IL2RA: variants seen among roughly 807,000 people sequenced by gnomAD.
IL2RA encodes the protein interleukin-2 receptor subunit alpha.
IL2RA carries 24 observed loss-of-function variants against 37.8 expected under a neutral mutation model. The ratio of observed to expected loss-of-function variants is 0.63; its 90% confidence interval spans 0.46 to 0.89. The LOEUF is 0.89. Among genes scored for constraint, IL2RA ranks in the 40% least tolerant of loss-of-function variants. IL2RA has a pLI of 0.00. For missense variants in IL2RA, 319 were observed against 348.6 expected (o/e 0.92, Z 0.68); for synonymous variants, 125 against 114.6 (o/e 1.09, Z -0.58).
intron 7 of IL2RA, chr10:6,017,154 G>A (rs1839292135): frequency 1.3e-5 from 2 of 152,510 alleles, no homozygotes; most frequent in Admixed American, 6.5e-5. Flanking sequence ...GCCACTCACT[G>A]GTATTTTAGA....
rs540990755 is a variant in IL2RA at position 6,019,621 on chromosome 10, G to T, written c.656-122C>A. The T allele has an allele frequency of 8.3e-5, 68 of 824,164 alleles. No individual in the cohort carries two copies. The African/African-American group carries it at 8.5e-4, about 10-fold the overall frequency. The allele number at this position is 824,164 out of a possible 1,614,324, so 51.1% of individuals were successfully genotyped here. On this transcript the variant is annotated intron_variant, in intron 5 of 7. Coordinates refer to ENST00000379959, the MANE Select transcript of IL2RA (RefSeq NM_000417.3). ...CAGAGGCTGGTGGGAGACACGTGGTGGTGGTGAGGGAAGGTGTTCCATCTC... is the reference window on the plus strand; with the variant it reads ...CAGAGGCTGGTGGGAGACACGTGGTTGTGGTGAGGGAAGGTGTTCCATCTC...
rs1839213646 is a variant in IL2RA at position 6,012,961 on chromosome 10, C to G, written c.795-65G>C. 6.6e-7 allele frequency: 1 copy of G among 1,514,462 alleles called. No individual in the cohort carries two copies. Among genetic ancestry groups the G allele is most frequent in the African/African-American group, 1.4e-5 (1 of 72,814 alleles). The allele number at this position is 1,514,462 out of a possible 1,614,324, so 93.8% of individuals were successfully genotyped here. A position where few individuals can be genotyped will look rare whatever the true frequency, so the allele number is the denominator to read the frequency against. ...CGGCACCAAAAAAATGTGGTCCTCA[C>G]TCTAAACCAGTGCACACGCCACCAT... On this transcript the variant is annotated intron_variant, in intron 7 of 7. Transcript: ENST00000379959. The surrounding 1 kb of genome is among the most constrained non-coding windows in gnomAD (Gnocchi z 4.8).
chr10:6,037,451 C>T (rs1355653376), intron 1 of IL2RA, among the ~76,000 whole-genome samples: 1 of 152,114 alleles, frequency 6.6e-6, no homozygotes, highest in African/African-American at 2.4e-5. Context: ...AAGGCTTCAT[C>T]CCTCTTCTCT....
chr10:6,013,523 G>C (rs1390276989), intron 7 of IL2RA, among the ~76,000 whole-genome samples: 1 of 152,150 alleles, frequency 6.6e-6, no homozygotes, highest in Non-Finnish European at 1.5e-5. Context: ...AAGACTCCAA[G>C]CAGAGGTGTG....
rs1190218269 is a variant in IL2RA, at chr10:6,035,863, T to A, written c.65-9838A>T. The A allele has an allele frequency of 2.0e-5, 3 of 152,294 alleles. No individual in the cohort carries two copies. Among genetic ancestry groups the A allele is most frequent in the Non-Finnish European group, 2.9e-5 (2 of 68,082 alleles). 9.4% of individuals were successfully genotyped at this position (152,294 alleles called of 1,614,324 possible). A position where few individuals can be genotyped will look rare whatever the true frequency, so the allele number is the denominator to read the frequency against. ...AGAATCCCACTTGTTCCTCGTCCTT[T>A]TCCACCTCACCTCCATCATTGTGGC... On this transcript the variant is annotated intron_variant, in intron 1 of 7. Transcript: ENST00000379959. The surrounding 1 kb of genome is among the most constrained non-coding windows in gnomAD (Gnocchi z 5.4).
intron 1 of IL2RA, among the ~76,000 whole-genome samples, chr10:6,031,774 C>T (rs1054640375): frequency 5.9e-5 from 9 of 151,734 alleles, no homozygotes; most frequent in African/African-American, 1.2e-4. Context: ...ATCTATTCAC[C>T]TTAAATTGAT....
chr10:6,019,779 C>T, intron 5 of IL2RA, 91 bp downstream of exon 5: 1 of 1,216,926 alleles, frequency 8.2e-7, no homozygotes, highest in Non-Finnish European at 1.2e-6. Context: ...CCCTACAGGT[C>T]ACCTCCGCCT....
In IL2RA at chr10:6,048,706, C is replaced by T. The variant is rs139725166; in HGVS notation, c.64+13382G>A. Among the ~76,000 whole-genome samples, 18 of 152,338 alleles carry T rather than the reference C, an allele frequency of 1.2e-4. No homozygotes were observed. The East Asian group carries it at 3.3e-3, about 28-fold the overall frequency. ...CCTTTCTGCTTCCCTTCATTCTTCA[C>T]ATAAACCCAGTGCTTTCTCTTCTTC... is the stretch of plus-strand genomic sequence containing the variant. On this transcript the variant is annotated intron_variant, in intron 1 of 7. Coordinates refer to ENST00000379959, the MANE Select transcript of IL2RA (RefSeq NM_000417.3). The surrounding 1 kb of genome is among the most constrained non-coding windows in gnomAD (Gnocchi z 5.3).
chr10:6,023,772 T>C (rs556461533), intron 3 of IL2RA, among the ~76,000 whole-genome samples: 1 of 152,342 alleles, frequency 6.6e-6, no homozygotes, highest in East Asian at 1.9e-4. Flanking sequence ...GACTCACAAG[T>C]GTGGCATGCA....
At position 6,035,043 on chromosome 10, in the gene IL2RA, G is replaced by T. The variant is rs961542862; in HGVS notation, c.65-9018C>A. ...CAATTCGGGAGTTGGAGGTGGGGGT[G>T]TAGGGTGGTAAACACTCAAGGCTTA... On this transcript the variant is annotated intron_variant, in intron 1 of 7. Coordinates refer to ENST00000379959, the MANE Select transcript of IL2RA (RefSeq NM_000417.3). The surrounding 1 kb of genome is among the most constrained non-coding windows in gnomAD (Gnocchi z 5.4). Among the ~76,000 whole-genome samples, 1 of 152,246 alleles carries T rather than the reference G, an allele frequency of 6.6e-6. No homozygotes were observed. Among genetic ancestry groups the T allele is most frequent in the Admixed American group, 6.5e-5 (1 of 15,294 alleles).
Position 6,025,268 on chromosome 10 carries a change from C to T in IL2RA, c.256+566G>A, listed in dbSNP as rs972546681. Among the ~76,000 whole-genome samples the T allele has an allele frequency of 6.6e-6, 1 of 151,872 alleles. No homozygotes were observed. The highest frequency in any genetic ancestry group is 2.4e-5 in the African/African-American group (1 of 41,268). On this transcript the variant is annotated intron_variant, in intron 2 of 7. Coordinates refer to ENST00000379959, the MANE Select transcript of IL2RA (RefSeq NM_000417.3). This position sits in a 1 kb window ranked among gnomAD's most constrained non-coding sequence, Gnocchi z 4.4. ...ACTTGGGCAGCTGTGGCACAAGATTCACTTGAACCCAGGAGGTGGAGGTTG... is the reference window on the plus strand; with the variant it reads ...ACTTGGGCAGCTGTGGCACAAGATTTACTTGAACCCAGGAGGTGGAGGTTG...
chr10:6,017,979 A>AG (rs1209372254), intron 7 of IL2RA, 74 bp downstream of exon 7: 4 of 1,051,704 alleles, frequency 3.8e-6, no homozygotes, highest in African/African-American at 3.2e-5. Flanking sequence ...TGGAGGGGGT[A>AG]GGGGGGAGGC....
chr10:6,052,156 T>C (rs927744617), intron 1 of IL2RA, among the ~76,000 whole-genome samples: 6 of 152,108 alleles, frequency 3.9e-5, no homozygotes, highest in Non-Finnish European at 7.4e-5. Flanking sequence ...TCTGTCTACC[T>C]GAAGTTCAAA....
At chr10:6,023,522 G>A (rs1181062798) in intron 3 of IL2RA, among the ~76,000 whole-genome samples, 1 of 152,182 alleles carries the variant, frequency 6.6e-6, no homozygotes, top group Non-Finnish European at 1.5e-5. Context: ...TGATTGTAGA[G>A]ACAAGGTTTC....
rs1457232592 is a variant in IL2RA, at chr10:6,033,650, T to C, written c.65-7625A>G. On this transcript the variant is annotated intron_variant, in intron 1 of 7. Coordinates refer to ENST00000379959, the MANE Select transcript of IL2RA (RefSeq NM_000417.3). This position sits in a 1 kb window ranked among gnomAD's most constrained non-coding sequence, Gnocchi z 4.3. ...TATTGATACAGGCAATATTGATAAA[T>C]CTCAAAAATGTTATGTTGAACAAAA... is the stretch of plus-strand genomic sequence containing the variant. 6.6e-6 allele frequency among the ~76,000 whole-genome samples: 1 copy of C among 152,160 alleles called. No homozygotes were observed. Among genetic ancestry groups the C allele is most frequent in the African/African-American group, 2.4e-5 (1 of 41,436 alleles).
chr10:6,031,477 T>TAC (rs1564545939), intron 1 of IL2RA, among the ~76,000 whole-genome samples: 7 of 31,292 alleles, frequency 2.2e-4, no homozygotes, highest in Non-Finnish European at 3.2e-4. Context: ...TATATATATA[T>TAC]ATATATATAT....
chr10:6,060,649 C>T (rs921680745), intron 1 of IL2RA, among the ~76,000 whole-genome samples: 1 of 152,052 alleles, frequency 6.6e-6, no homozygotes, highest in Non-Finnish European at 1.5e-5. Context: ...CCTAGCTACT[C>T]AGGAGTCTGA....
rs1452541817 is a variant in IL2RA at position 6,057,775 on chromosome 10, A to C, written c.64+4313T>G. ...AAGGGTGGGAACAGCTGCCACGTTGAGGGACTGCCTGCCTTGATGATATCC... is the reference window on the plus strand; with the variant it reads ...AAGGGTGGGAACAGCTGCCACGTTGCGGGACTGCCTGCCTTGATGATATCC... On this transcript the variant is annotated intron_variant, in intron 1 of 7. Transcript: ENST00000379959. This position sits in a 1 kb window ranked among gnomAD's most constrained non-coding sequence, Gnocchi z 4.8. Among the ~76,000 whole-genome samples, 1 of 152,174 alleles carries C rather than the reference A, an allele frequency of 6.6e-6. No homozygotes were observed. The highest frequency in any genetic ancestry group is 1.5e-5 in the Non-Finnish European group (1 of 68,034).
At chr10:6,055,839 T>C (rs1197730369) in intron 1 of IL2RA, among the ~76,000 whole-genome samples, 2 of 1,464 alleles carry the variant, frequency 1.4e-3, no homozygotes, top group Non-Finnish European at 3.4e-3. Flanking sequence ...GGGGGCCGAC[T>C]CCCCCCACCT....
Sources: allele counts gnomAD v4.1 joint callset (sites outside exome capture counted in the v4.1 genomes callset), GRCh38; gene constraint gnomAD v4.1.1; non-coding constraint Gnocchi (gnomAD v3.1); transcripts MANE v1.5; gene names NCBI Gene and HGNC (gene_info 2026-07-23, HGNC 2026-07-21).